PLD5: variants seen among roughly 807,000 people sequenced by gnomAD.
PLD5 encodes the protein inactive phospholipase D5.
In PLD5, 36 loss-of-function variants were observed where a neutral mutation model predicts 61.1. The ratio of observed to expected loss-of-function variants is 0.59; its 90% CI spans 0.45 to 0.78. The LOEUF is 0.78. Among genes scored for constraint, PLD5 ranks in the 30% least tolerant of loss-of-function variants. PLD5 has a pLI of 0.00. For synonymous variants in PLD5, 243 were observed against 242.8 expected, an observed-to-expected ratio of 1.00 and a Z score of -0.01; for missense variants, 515 against 644.4, an observed-to-expected ratio of 0.80 and a Z score of 2.17.
At chr1:242,268,643 A>T (rs756327424) in intron 3 of PLD5, among the ~76,000 whole-genome samples, 1 of 152,170 alleles carries the variant, frequency 6.6e-6, no homozygotes, top group Non-Finnish European at 1.5e-5. Context: ...CACTGTAACG[A>T]TCTTGGGCTT....
At chr1:242,239,664 A>C (rs1671867954) in intron 4 of PLD5, among the ~76,000 whole-genome samples, 1 of 152,180 alleles carries the variant, frequency 6.6e-6, no homozygotes, top group African/African-American at 2.4e-5. Flanking sequence ...GCAGGTTCTG[A>C]TGAAATGGAG....
intron 1 of PLD5, among the ~76,000 whole-genome samples, chr1:242,404,636 A>G (rs889879680): frequency 2.0e-5 from 3 of 146,374 alleles, no homozygotes; most frequent in African/African-American, 5.2e-5. Flanking sequence ...CTTTATCCAC[A>G]TTTGTCCTAA....
chr1:242,389,807 C>A (rs1458364122), intron 1 of PLD5, among the ~76,000 whole-genome samples: 1 of 151,988 alleles, frequency 6.6e-6, no homozygotes, highest in Non-Finnish European at 1.5e-5. Flanking sequence ...TTAATAGCCA[C>A]AAGGAGTCAG....
intron 3 of PLD5, among the ~76,000 whole-genome samples, chr1:242,280,441 C>T (rs560317865): frequency 2.4e-4 from 37 of 151,248 alleles, no homozygotes; most frequent in Admixed American, 1.0e-3. Flanking sequence ...TTAATTTATA[C>T]GTGTTTTATT....
chr1:242,226,940 T>G (rs1670988268), intron 4 of PLD5, among the ~76,000 whole-genome samples: 1 of 152,240 alleles, frequency 6.6e-6, no homozygotes, highest in South Asian at 2.1e-4. Flanking sequence ...AAAAGGTTAT[T>G]AAAATTTTTT....
intron 2 of PLD5, among the ~76,000 whole-genome samples, chr1:242,312,898 C>A (rs1186071443): frequency 1.3e-5 from 2 of 152,148 alleles, no homozygotes; most frequent in Non-Finnish European, 2.9e-5. Flanking sequence ...TGACTGATTC[C>A]CAGAGCTTCT....
intron 1 of PLD5, among the ~76,000 whole-genome samples, chr1:242,493,417 G>A (rs180963811): frequency 2.4e-4 from 37 of 152,278 alleles, no homozygotes; most frequent in African/African-American, 8.2e-4. Flanking sequence ...GGCGAGCACC[G>A]GGTTATGCTT....
intron 5 of PLD5, among the ~76,000 whole-genome samples, chr1:242,161,853 C>T (rs1665862200): frequency 6.6e-6 from 1 of 152,084 alleles, no homozygotes; most frequent in Admixed American, 6.6e-5. Context: ...GAGGTACAAC[C>T]ACATAGAGCA....
chr1:242,466,565 C>T (rs1667282644), intron 1 of PLD5, among the ~76,000 whole-genome samples: 1 of 152,128 alleles, frequency 6.6e-6, no homozygotes, highest in Non-Finnish European at 1.5e-5. Context: ...AAGCCAGGCA[C>T]AAAAAGACAA....
At chr1:242,510,071 AT>A (rs1366761550) in intron 1 of PLD5, among the ~76,000 whole-genome samples, 2 of 152,086 alleles carry the variant, frequency 1.3e-5, no homozygotes, top group Non-Finnish European at 1.5e-5. Context: ...GAGATGTTTT[AT>A]TAGTATGAAT....
At chr1:242,529,168 A>C (rs987008889), upstream of PLD5, among the ~76,000 whole-genome samples, 2 of 152,254 alleles carry the variant, frequency 1.3e-5, no homozygotes, top group African/African-American at 4.8e-5. Context: ...AAATTAAAGT[A>C]GTCCCAGATT....
intron 6 of PLD5, among the ~76,000 whole-genome samples, chr1:242,120,574 C>A (rs1299186544): frequency 6.6e-6 from 1 of 152,124 alleles, no homozygotes; most frequent in Non-Finnish European, 1.5e-5. Flanking sequence ...AGGATTTTTC[C>A]ATAGCAGCAT....
chr1:242,491,326 A>G (rs1668143319), intron 1 of PLD5, among the ~76,000 whole-genome samples: 1 of 152,166 alleles, frequency 6.6e-6, no homozygotes, highest in Non-Finnish European at 1.5e-5. Context: ...CATATTACTT[A>G]TATATAGATA....
intron 2 of PLD5, among the ~76,000 whole-genome samples, chr1:242,312,712 T>C (rs959937807): frequency 1.1e-4 from 17 of 152,170 alleles, no homozygotes; most frequent in Non-Finnish European, 2.2e-4. Context: ...GCAAATATGG[T>C]CTAAATCTCT....
chr1:242,182,580 C>A (rs1290480928), intron 5 of PLD5, among the ~76,000 whole-genome samples: 3 of 152,160 alleles, frequency 2.0e-5, no homozygotes, highest in Non-Finnish European at 4.4e-5. Context: ...CAGTGGCTCA[C>A]GCTTGTAATT....
intron 5 of PLD5, among the ~76,000 whole-genome samples, chr1:242,209,573 T>C (rs1669659790): frequency 6.6e-6 from 1 of 152,206 alleles, no homozygotes; most frequent in African/African-American, 2.4e-5. Context: ...GATGTTACTA[T>C]GGCAACAGCA....
chr1:242,519,761 T>C (rs2103010863), intron 1 of PLD5, among the ~76,000 whole-genome samples: 1 of 152,228 alleles, frequency 6.6e-6, no homozygotes, highest in South Asian at 2.1e-4. Flanking sequence ...AGATGATGGA[T>C]GGGAAGCCAG....
chr1:242,306,182 G>A (rs1200495000), intron 2 of PLD5, among the ~76,000 whole-genome samples: 3 of 151,958 alleles, frequency 2.0e-5, no homozygotes, highest in African/African-American at 7.2e-5. Context: ...TCAGCTGCTG[G>A]GAAAGACTCC....
At chr1:242,103,023 G>A (rs1660800241) in intron 8 of PLD5, among the ~76,000 whole-genome samples, 4 of 152,208 alleles carry the variant, frequency 2.6e-5, no homozygotes, top group Non-Finnish European at 5.9e-5. Flanking sequence ...CTAGTGGCAG[G>A]TGTGCTGTGG....
Sources: allele counts gnomAD v4.1 joint callset (sites outside exome capture counted in the v4.1 genomes callset), GRCh38; gene constraint gnomAD v4.1.1; transcripts MANE v1.5; gene names NCBI Gene and HGNC (gene_info 2026-07-23, HGNC 2026-07-21).